The following TRIB2 variants were observed in gnomAD, a reference collection of about 807,000 sequenced individuals.
The protein encoded by TRIB2 is tribbles pseudokinase 2, also known as tribbles homolog 2.
Under a neutral mutation model 26.8 loss-of-function variants are expected in TRIB2, and 2 were observed. The observed-to-expected ratio is 0.07, with a 90% CI of 0.03 to 0.24. The LOEUF is 0.24. TRIB2 is among the 10% of genes least tolerant of loss of function. TRIB2 has a pLI of 1.00. For missense variants in TRIB2, 306 were observed against 449.0 expected (o/e 0.68, Z 2.88); for synonymous variants, 189 against 187.3 (o/e 1.01, Z -0.08).
At chr2:12,725,312 G>A (rs1324256823) in intron 2 of TRIB2, among the ~76,000 whole-genome samples, 1 of 152,262 alleles carries the variant, frequency 6.6e-6, no homozygotes, top group East Asian at 1.9e-4. Context: ...CAAATGAGTA[G>A]AGCAGGGTGG....
rs1666638853 is a variant in TRIB2, at chr2:12,718,097, G to A, written c.-211G>A. On this transcript the variant is annotated 5_prime_UTR_variant, in exon 1 of 3. Coordinates refer to ENST00000155926, the MANE Select transcript of TRIB2 (RefSeq NM_021643.4). The surrounding 1 kb of genome is among the most constrained non-coding windows in gnomAD (Gnocchi z 4.0). Reference sequence around the variant, plus strand: ...AGACCCGAGTTGCCTGCCGACCGAGGACCCCCGGGAGCCGGGCTCGGAGCA... The same window carrying A: ...AGACCCGAGTTGCCTGCCGACCGAGAACCCCCGGGAGCCGGGCTCGGAGCA... 3.1e-6 allele frequency: 2 copies of A among 640,256 alleles called. No homozygotes were observed. The highest frequency in any genetic ancestry group is 5.2e-6 in the Non-Finnish European group (2 of 383,416). The allele number at this position is 640,256 out of a possible 1,614,324, so 39.7% of individuals were successfully genotyped here.
At chr2:12,727,529 G>T (rs1187346788) in intron 2 of TRIB2, among the ~76,000 whole-genome samples, 1 of 152,176 alleles carries the variant, frequency 6.6e-6, no homozygotes, top group East Asian at 1.9e-4. Context: ...GGCTCAGAAA[G>T]GCCAGATTGA....
rs150264888 is a variant in TRIB2 at position 12,740,278 on chromosome 2, G to A, written c.564-48G>A. ...GTTATGTTATGATGCTGGTGGTAAC[G>A]TGTCTCTGAGCACCCTCAGGAGCTT... is the stretch of plus-strand genomic sequence containing the variant. On this transcript the variant is annotated intron_variant, in intron 2 of 2. Transcript: ENST00000155926. This position sits in a 1 kb window ranked among gnomAD's most constrained non-coding sequence, Gnocchi z 5.8. The A allele has an allele frequency of 5.8e-5, 90 of 1,553,414 alleles. No individual in the cohort carries two copies. The highest frequency in any genetic ancestry group is 1.8e-4 in the Middle Eastern group (1 of 5,668).
Position 12,723,275 on chromosome 2 carries a change from T to A in TRIB2, c.286T>A (p.Cys96Ser). 6.2e-7 allele frequency: 1 copy of A among 1,613,514 alleles called. No individual in the cohort carries two copies. Among genetic ancestry groups the A allele is most frequent in the Non-Finnish European group, 8.5e-7 (1 of 1,179,892 alleles). The change falls in exon 2 of 3, where the codon TGC becomes AGC. Residue 96 changes from cysteine to serine, a missense_variant. Coordinates refer to ENST00000155926, the MANE Select transcript of TRIB2 (RefSeq NM_021643.4). The part of the protein sequence containing the change: ...ELVCKVFDIS[C>S]YQESLAPCFC... ...CCTGTCGTAGGTGTTTGATATCAGC[T>A]GCTACCAGGAATCCCTGGCACCGTG...
In TRIB2 at chr2:12,717,475, C is replaced by T; in HGVS notation, c.-833C>T. The T allele has an allele frequency of 5.0e-6, 2 of 398,436 alleles. No individual in the cohort carries two copies. The highest frequency in any genetic ancestry group is 8.9e-6 in the Non-Finnish European group (2 of 225,916). 24.7% of individuals were successfully genotyped at this position (398,436 alleles called of 1,614,324 possible). ...GACAGCATGAGCCTGTGCTGACCTC[C>T]GCGCGGCGGGCCGAGCCCAGGGCTT... is the stretch of plus-strand genomic sequence containing the variant. On this transcript the variant is annotated 5_prime_UTR_variant, in exon 1 of 3. Coordinates refer to ENST00000155926, the MANE Select transcript of TRIB2 (RefSeq NM_021643.4). This position sits in a 1 kb window ranked among gnomAD's most constrained non-coding sequence, Gnocchi z 4.8.
intron 2 of TRIB2, chr2:12,737,362 T>G: frequency 1.2e-5 from 1 of 82,826 alleles, no homozygotes; most frequent in Middle Eastern, 5.6e-4. Context: ...TGGCTTGCGC[T>G]GGGTGAGAAT....
At position 12,740,238 on chromosome 2, in the gene TRIB2, G is replaced by A. The variant is rs1222119167; in HGVS notation, c.564-88G>A. 7.7e-7 allele frequency: 1 copy of A among 1,295,730 alleles called. No homozygotes were observed. Among genetic ancestry groups the A allele is most frequent in the Non-Finnish European group, 1.1e-6 (1 of 925,298 alleles). The allele number at this position is 1,295,730 out of a possible 1,614,324, so 80.3% of individuals were successfully genotyped here. On this transcript the variant is annotated intron_variant, in intron 2 of 2. Coordinates refer to ENST00000155926, the MANE Select transcript of TRIB2 (RefSeq NM_021643.4). This position sits in a 1 kb window ranked among gnomAD's most constrained non-coding sequence, Gnocchi z 5.8. The stretch of plus-strand genomic sequence containing the variant: ...AATGAATGTGAATGAGGAGTCTTCA[G>A]AAACACTATAGTCGGTTATGTTATG...
Position 12,718,010 on chromosome 2 carries a change from C to T in TRIB2, c.-298C>T, listed in dbSNP as rs1666636097. 1 of 428,008 alleles carries T rather than the reference C, an allele frequency of 2.3e-6. No homozygotes were observed. The allele number at this position is 428,008 out of a possible 1,614,324, so 26.5% of individuals were successfully genotyped here. ...CATCCAGATCCACGCCGGGGACACA[C>T]ACACAGAGTAACTAAAAGTGCGGCG... is the stretch of plus-strand genomic sequence containing the variant. On this transcript the variant is annotated 5_prime_UTR_variant, in exon 1 of 3. Transcript: ENST00000155926. The surrounding 1 kb of genome is among the most constrained non-coding windows in gnomAD (Gnocchi z 4.0).
chr2:12,722,666 T>G (rs905137549), intron 1 of TRIB2, among the ~76,000 whole-genome samples: 1 of 150,438 alleles, frequency 6.6e-6, no homozygotes, highest in Non-Finnish European at 1.5e-5. Flanking sequence ...TTCTATCATA[T>G]TCCTACCTCT....
chr2:12,724,815 G>A (rs374158532), intron 2 of TRIB2: 2 of 1,611,492 alleles, frequency 1.2e-6, no homozygotes, highest in African/African-American at 1.3e-5. Context: ...TGGTGTATGT[G>A]CTTCTTTGAA....
rs1661726923 is a variant in TRIB2 at position 12,742,334 on chromosome 2, A to C, written c.*1540A>C. On this transcript the variant is annotated 3_prime_UTR_variant, in exon 3 of 3. Coordinates refer to ENST00000155926, the MANE Select transcript of TRIB2 (RefSeq NM_021643.4). ...ACGTGGACTCTAGTATGTAAATGTT[A>C]CTTGAATCTGTGCTTCATAATAGTG... 6.6e-6 allele frequency: 1 copy of C among 152,630 alleles called. No homozygotes were observed. The allele number at this position is 152,630 out of a possible 1,614,324, so 9.5% of individuals were successfully genotyped here. A position where few individuals can be genotyped will look rare whatever the true frequency, so the allele number is the denominator to read the frequency against.
Position 12,717,042 on chromosome 2 carries a change from GAT to G in TRIB2, c.-1265_-1264del, listed in dbSNP as rs1558313049. ...AACTATTAATACCGCCTCGCCGGGG[GAT>G]GCGGGCGTGCTGAGCGCGGGGATTG... is the stretch of plus-strand genomic sequence containing the variant. On this transcript the variant is annotated 5_prime_UTR_variant, in exon 1 of 3. An upstream start codon of the reference 5' UTR is lost. Coordinates refer to ENST00000155926, the MANE Select transcript of TRIB2 (RefSeq NM_021643.4). This position sits in a 1 kb window ranked among gnomAD's most constrained non-coding sequence, Gnocchi z 4.8. 4.6e-6 allele frequency: 1 copy of G among 217,576 alleles called. No homozygotes were observed. Among genetic ancestry groups the G allele is most frequent in the Non-Finnish European group, 8.9e-6 (1 of 111,876 alleles). The allele number at this position is 217,576 out of a possible 1,614,324, so 13.5% of individuals were successfully genotyped here.
intron 2 of TRIB2, among the ~76,000 whole-genome samples, chr2:12,730,425 C>A (rs563187768): frequency 6.6e-6 from 1 of 152,274 alleles, no homozygotes; most frequent in East Asian, 1.9e-4. Context: ...TTATGCCCAA[C>A]CCTGAGAAAG....
rs536243319 is a variant in TRIB2, at chr2:12,740,844, C to T, written c.*50C>T. On this transcript the variant is annotated 3_prime_UTR_variant, in exon 3 of 3. Transcript: ENST00000155926. This position sits in a 1 kb window ranked among gnomAD's most constrained non-coding sequence, Gnocchi z 5.8. Reference sequence around the variant, plus strand: ...AGGTTCCAGGAGTGAGCGAGGGCAGCGGAAAGGAGTTCTTCCGGGGGACAC... The same window carrying T: ...AGGTTCCAGGAGTGAGCGAGGGCAGTGGAAAGGAGTTCTTCCGGGGGACAC... 34 of 1,522,992 alleles carry T rather than the reference C, an allele frequency of 2.2e-5. No individual in the cohort carries two copies. Among genetic ancestry groups the T allele is most frequent in the South Asian group, 8.5e-5 (7 of 82,366 alleles). The allele number at this position is 1,522,992 out of a possible 1,614,324, so 94.3% of individuals were successfully genotyped here. A position where few individuals can be genotyped will look rare whatever the true frequency, so the allele number is the denominator to read the frequency against.
intron 2 of TRIB2, chr2:12,724,720 C>A (rs1440476199): frequency 5.0e-6 from 8 of 1,612,844 alleles, no homozygotes; most frequent in Non-Finnish European, 6.8e-6. Context: ...CTGTTTCCAC[C>A]CTCCCCCTAC....
intron 2 of TRIB2, among the ~76,000 whole-genome samples, chr2:12,726,734 C>T (rs1283292807): frequency 6.6e-6 from 1 of 152,242 alleles, no homozygotes; most frequent in Non-Finnish European, 1.5e-5. Context: ...GACCATCACA[C>T]ACCTCTTTTG....
At chr2:12,734,979 C>T (rs563040864) in intron 2 of TRIB2, among the ~76,000 whole-genome samples, 3 of 152,190 alleles carry the variant, frequency 2.0e-5, no homozygotes, top group Non-Finnish European at 4.4e-5. Flanking sequence ...CCGTGACTGG[C>T]AGCCCTCTTT....
At chr2:12,726,253 T>C (rs1246422898) in intron 2 of TRIB2, among the ~76,000 whole-genome samples, 3 of 152,274 alleles carry the variant, frequency 2.0e-5, no homozygotes, top group Non-Finnish European at 4.4e-5. Context: ...GAATCATGCC[T>C]AGTCACCTTT....
rs914546332 is a variant in TRIB2, at chr2:12,717,591, G to A, written c.-717G>A. On this transcript the variant is annotated 5_prime_UTR_variant, in exon 1 of 3. An upstream start codon of the reference 5' UTR is lost. Transcript: ENST00000155926. This position sits in a 1 kb window ranked among gnomAD's most constrained non-coding sequence, Gnocchi z 4.8. Reference sequence around the variant, plus strand: ...CAGCGCTGACCGCACCAAGTTAAATGCTCCCTTGCAATTTTTCTTTTTTTT... The same window carrying A: ...CAGCGCTGACCGCACCAAGTTAAATACTCCCTTGCAATTTTTCTTTTTTTT... 1 of 397,796 alleles carries A rather than the reference G, an allele frequency of 2.5e-6. No homozygotes were observed. Among genetic ancestry groups the A allele is most frequent in the Non-Finnish European group, 4.4e-6 (1 of 225,744 alleles). The allele number at this position is 397,796 out of a possible 1,614,324, so 24.6% of individuals were successfully genotyped here.
Sources: allele counts gnomAD v4.1 joint callset (sites outside exome capture counted in the v4.1 genomes callset), GRCh38; gene constraint gnomAD v4.1.1; non-coding constraint Gnocchi (gnomAD v3.1); transcripts MANE v1.5; gene names NCBI Gene and HGNC (gene_info 2026-07-23, HGNC 2026-07-21).